WWOX: variants seen among roughly 807,000 people sequenced by gnomAD.
The protein encoded by WWOX is WW domain-containing oxidoreductase.
A neutral mutation model predicts 46.2 loss-of-function variants in WWOX; 69 were observed. That is an observed-to-expected ratio of 1.49 (90% confidence interval 1.23 to 1.82). The LOEUF is 1.82. WWOX is among the 40% of genes most tolerant of loss of function. WWOX has a pLI of 0.00. For missense variants in WWOX, 919 were observed against 542.6 expected, an observed-to-expected ratio of 1.69 and a Z score of -6.89; for synonymous variants, 359 against 202.6, an observed-to-expected ratio of 1.77 and a Z score of -6.56.
rs2049111285 is a variant in WWOX at position 78,737,167 on chromosome 16, T to G, written c.1056+304415T>G. Among the ~76,000 whole-genome samples, 3 of 152,120 alleles carry G rather than the reference T, an allele frequency of 2.0e-5. No homozygotes were observed. In the South Asian group the frequency reaches 6.2e-4, roughly 32 times the overall value. On this transcript the variant is annotated intron_variant, in intron 8 of 8. Transcript: ENST00000566780. ...CAGGCTGGAGTGCAGTGGTATGATC[T>G]CGGCTCACTACAGCTTCCACCTCCC...
intron 8 of WWOX, among the ~76,000 whole-genome samples, chr16:79,023,572 CAT>C (rs1056141185): frequency 1.8e-4 from 28 of 152,266 alleles, no homozygotes; most frequent in East Asian, 5.8e-4. Flanking sequence ...CACAGGCAAA[CAT>C]GTGTGTGTTA....
At chr16:78,868,705 G>A (rs1443104914) in intron 8 of WWOX, among the ~76,000 whole-genome samples, 3 of 152,156 alleles carry the variant, frequency 2.0e-5, no homozygotes, top group Non-Finnish European at 4.4e-5. Flanking sequence ...GGAAGGGAAC[G>A]TTGGAACCAA....
intron 8 of WWOX, among the ~76,000 whole-genome samples, chr16:78,679,186 G>C (rs2047671942): frequency 6.6e-6 from 1 of 151,072 alleles, no homozygotes; most frequent in Non-Finnish European, 1.5e-5. Flanking sequence ...GAAAGGTAGA[G>C]AATAGATTAC....
chr16:78,393,511 A>G (rs1043815468), intron 6 of WWOX, among the ~76,000 whole-genome samples: 1 of 152,182 alleles, frequency 6.6e-6, no homozygotes, highest in Admixed American at 6.5e-5. Context: ...AAAATTTTTT[A>G]AAAAACGGTT....
chr16:78,228,480 C>T (rs1304368047), intron 5 of WWOX, among the ~76,000 whole-genome samples: 3 of 151,742 alleles, frequency 2.0e-5, no homozygotes, highest in South Asian at 2.1e-4. Context: ...CAGCTGGGAC[C>T]ACAGGTGCTT....
At chr16:78,789,434 C>A (rs1021077640) in intron 8 of WWOX, among the ~76,000 whole-genome samples, 4 of 152,108 alleles carry the variant, frequency 2.6e-5, no homozygotes, top group Non-Finnish European at 5.9e-5. Flanking sequence ...GGTCTTTGCA[C>A]CCTTATCAGA....
intron 8 of WWOX, among the ~76,000 whole-genome samples, chr16:78,754,339 G>A (rs145744833): frequency 2.6e-5 from 4 of 152,248 alleles, no homozygotes; most frequent in African/African-American, 4.8e-5. Flanking sequence ...CCTAAGGTCA[G>A]TGTGCAAGTT....
At chr16:79,100,272 A>G (rs1344262851) in intron 8 of WWOX, among the ~76,000 whole-genome samples, 1 of 152,236 alleles carries the variant, frequency 6.6e-6, no homozygotes, top group African/African-American at 2.4e-5. Context: ...GATCAAGATT[A>G]GAATGTCTTC....
chr16:79,092,028 G>A (rs886116333), intron 8 of WWOX, among the ~76,000 whole-genome samples: 2 of 151,830 alleles, frequency 1.3e-5, no homozygotes, highest in Non-Finnish European at 1.5e-5. Context: ...ATCTTTTCTC[G>A]CCTCGGCCTC....
chr16:78,629,734 G>C (rs1043289577), intron 8 of WWOX, among the ~76,000 whole-genome samples: 5 of 152,046 alleles, frequency 3.3e-5, no homozygotes, highest in Admixed American at 1.3e-4. Context: ...TCATCATTTA[G>C]GCTTCAAATG....
chr16:78,941,591 A>C (rs1035085114), intron 8 of WWOX, among the ~76,000 whole-genome samples: 6 of 152,034 alleles, frequency 3.9e-5, no homozygotes, highest in African/African-American at 1.5e-4. Flanking sequence ...TTATCTTCCC[A>C]CAGTGAGGTA....
At chr16:78,924,038 G>T (rs1431787919) in intron 8 of WWOX, among the ~76,000 whole-genome samples, 1 of 151,880 alleles carries the variant, frequency 6.6e-6, no homozygotes, top group Non-Finnish European at 1.5e-5. Flanking sequence ...GGATGGTTTT[G>T]ATATCCTGAT....
At chr16:78,787,821 C>G (rs555259782) in intron 8 of WWOX, among the ~76,000 whole-genome samples, 1 of 152,244 alleles carries the variant, frequency 6.6e-6, no homozygotes, top group South Asian at 2.1e-4. Context: ...ACATCCTTGC[C>G]AACACTTTAT....
Position 78,603,168 on chromosome 16 carries a change from A to T in WWOX, c.1056+170416A>T, listed in dbSNP as rs371252183. On this transcript the variant is annotated intron_variant, in intron 8 of 8. Transcript: ENST00000566780. ...CTCTGTGCTATGCTGTTTTATGCACATCATCTTCTAACAGCTTCTCTGCCA... is the reference window on the plus strand; with the variant it reads ...CTCTGTGCTATGCTGTTTTATGCACTTCATCTTCTAACAGCTTCTCTGCCA... Among the ~76,000 whole-genome samples, 127 of 152,284 alleles carry T rather than the reference A, an allele frequency of 8.3e-4. No individual in the cohort carries two copies. In the South Asian group the frequency reaches 0.013, roughly 15 times the overall value.
rs534063843 is a variant in WWOX at position 78,739,841 on chromosome 16, C to G, written c.1056+307089C>G. Among the ~76,000 whole-genome samples the G allele has an allele frequency of 6.6e-5, 10 of 152,162 alleles. No individual in the cohort carries two copies. The East Asian group carries it at 1.7e-3, about 27-fold the overall frequency. ...ACAAACAAACAAACAAACAAAAACCCCAGATATTCCTTATTATGGAAGAAG... is the reference window on the plus strand; with the variant it reads ...ACAAACAAACAAACAAACAAAAACCGCAGATATTCCTTATTATGGAAGAAG... On this transcript the variant is annotated intron_variant, in intron 8 of 8. Transcript: ENST00000566780.
At chr16:78,285,490 G>T (rs185654609) in intron 5 of WWOX, among the ~76,000 whole-genome samples, 5 of 152,226 alleles carry the variant, frequency 3.3e-5, no homozygotes, top group African/African-American at 1.2e-4. Context: ...CGACCCTCAT[G>T]TGTATCAAGA....
chr16:78,724,056 C>T (rs2048764499), intron 8 of WWOX, among the ~76,000 whole-genome samples: 1 of 152,156 alleles, frequency 6.6e-6, no homozygotes, highest in Admixed American at 6.5e-5. Context: ...GGACTGGAAG[C>T]AGCATATCTC....
At chr16:78,395,333 AT>A (rs2082261134) in intron 6 of WWOX, among the ~76,000 whole-genome samples, 1 of 152,126 alleles carries the variant, frequency 6.6e-6, no homozygotes, top group Non-Finnish European at 1.5e-5. Flanking sequence ...AGCCTCGGTA[AT>A]TTGGCAAAAC....
intron 8 of WWOX, among the ~76,000 whole-genome samples, chr16:79,008,392 A>C (rs2047232872): frequency 6.6e-6 from 1 of 152,208 alleles, no homozygotes; most frequent in South Asian, 2.1e-4. Flanking sequence ...AACTGCGTTC[A>C]GGCCTCCATG....
Sources: allele counts gnomAD v4.1 joint callset (sites outside exome capture counted in the v4.1 genomes callset), GRCh38; gene constraint gnomAD v4.1.1; transcripts MANE v1.5; gene names NCBI Gene and HGNC (gene_info 2026-07-23, HGNC 2026-07-21).